EML4: variants seen among roughly 807,000 people sequenced by gnomAD.
The protein encoded by EML4 is EMAP like 4.
EML4 carries 72 observed loss-of-function variants against 129.0 expected under a neutral mutation model. The ratio of observed to expected loss-of-function variants is 0.56; its 90% CI spans 0.46 to 0.68. EML4 has a LOEUF of 0.68. Among genes scored for constraint, EML4 ranks in the 30% least tolerant of loss-of-function variants. EML4 has a pLI of 0.00. For missense variants in EML4, 1,363 were observed against 1,190.6 expected, an observed-to-expected ratio of 1.14 and a Z score of -2.13; for synonymous variants, 532 against 405.0, an observed-to-expected ratio of 1.31 and a Z score of -3.77.
In EML4 at chr2:42,264,998, CT is replaced by C. The variant is rs750473076; in HGVS notation, c.667+268del. 8.6e-5 allele frequency: 130 copies of C among 1,516,720 alleles called. 2 individuals are homozygous for C. The South Asian group carries it at 1.6e-3, about 18-fold the overall frequency. The allele number at this position is 1,516,720 out of a possible 1,614,324, so 94.0% of individuals were successfully genotyped here. A position where few individuals can be genotyped will look rare whatever the true frequency, so the allele number is the denominator to read the frequency against. On this transcript the variant is annotated intron_variant, in intron 6 of 22. Coordinates refer to ENST00000318522, the MANE Select transcript of EML4 (RefSeq NM_019063.5). ...GGTTGCCTTCTAAGTGAATTTTTTC[CT>C]GGATCTCTTATTTGGCTTTTTATTA...
At chr2:42,250,281 G>A (rs1357038637) in intron 2 of EML4, among the ~76,000 whole-genome samples, 1 of 152,156 alleles carries the variant, frequency 6.6e-6, no homozygotes, top group African/African-American at 2.4e-5. Flanking sequence ...TTCTCCAAAA[G>A]AAACATTGCT....
chr2:42,282,380 C>CT (rs1267305241), intron 7 of EML4, among the ~76,000 whole-genome samples: 1 of 64,468 alleles, frequency 1.6e-5, no homozygotes, highest in Non-Finnish European at 2.9e-5. Context: ...ATGAGTTTTC[C>CT]TTTTTTTTGG....
At chr2:42,176,241 T>A (rs370253856) in intron 1 of EML4, among the ~76,000 whole-genome samples, 1 of 152,250 alleles carries the variant, frequency 6.6e-6, no homozygotes. Context: ...TTGTCAATTC[T>A]TGTCACCTTT....
chr2:42,279,509 G>A (rs949653548), intron 6 of EML4, among the ~76,000 whole-genome samples: 8 of 151,440 alleles, frequency 5.3e-5, no homozygotes, highest in Non-Finnish European at 4.4e-5. Flanking sequence ...CCAGGCTGGA[G>A]TGCAGTGGCG....
chr2:42,240,063 T>C (rs1262062844), intron 1 of EML4, among the ~76,000 whole-genome samples: 3 of 152,190 alleles, frequency 2.0e-5, no homozygotes, highest in Non-Finnish European at 4.4e-5. Flanking sequence ...TACTTATTTA[T>C]AAAATGATGA....
intron 6 of EML4, among the ~76,000 whole-genome samples, chr2:42,280,485 T>C (rs1666943602): frequency 6.6e-6 from 1 of 152,262 alleles, no homozygotes; most frequent in East Asian, 1.9e-4. Context: ...TTGTCTGTTA[T>C]ACTGAATATA....
At chr2:42,297,883 G>A (rs1037272278) in intron 13 of EML4, among the ~76,000 whole-genome samples, 17 of 152,118 alleles carry the variant, frequency 1.1e-4, no homozygotes, top group Admixed American at 4.6e-4. Context: ...TCTTAAAAGT[G>A]CTTTTATATA....
At chr2:42,187,417 G>C (rs2374393) in intron 1 of EML4, among the ~76,000 whole-genome samples, 60,274 of 151,898 alleles carry the variant, frequency 0.4, 12,548 homozygotes, top group East Asian at 0.57. Flanking sequence ...TGCTTTTTAC[G>C]TAGCATATTG....
intron 1 of EML4, among the ~76,000 whole-genome samples, chr2:42,223,390 T>C (rs1188095369): frequency 6.6e-6 from 1 of 152,148 alleles, no homozygotes; most frequent in African/African-American, 2.4e-5. Context: ...TCAGTAAAAA[T>C]TATTTTTATT....
intron 1 of EML4, among the ~76,000 whole-genome samples, chr2:42,190,709 G>A (rs1316685753): frequency 6.6e-6 from 1 of 152,132 alleles, no homozygotes; most frequent in Non-Finnish European, 1.5e-5. Context: ...TATCTTTATA[G>A]TCTTGCATAG....
intron 4 of EML4, chr2:42,261,514 A>C (rs1244823026): frequency 3.0e-6 from 1 of 328,690 alleles, no homozygotes; most frequent in African/African-American, 2.3e-5. Flanking sequence ...AAAAAAAAAA[A>C]ACTAAGTTAT....
At chr2:42,210,427 T>C (rs1672824797) in intron 1 of EML4, among the ~76,000 whole-genome samples, 1 of 152,206 alleles carries the variant, frequency 6.6e-6, no homozygotes, top group East Asian at 1.9e-4. Flanking sequence ...ATGACATCAT[T>C]GATGTTGTTG....
chr2:42,323,113 C>G (rs755810103), intron 19 of EML4, among the ~76,000 whole-genome samples: 45 of 152,280 alleles, frequency 3.0e-4, no homozygotes, highest in Non-Finnish European at 5.6e-4. Flanking sequence ...AAGCTTTGCA[C>G]AAAGATGCAG....
intron 3 of EML4, among the ~76,000 whole-genome samples, chr2:42,260,552 A>G (rs956312828): frequency 1.3e-5 from 2 of 152,230 alleles, no homozygotes; most frequent in African/African-American, 4.8e-5. Context: ...GTCTTTCTAG[A>G]ACATTAAACT....
At chr2:42,173,099 T>C (rs1366483059) in intron 1 of EML4, among the ~76,000 whole-genome samples, 1 of 152,222 alleles carries the variant, frequency 6.6e-6, no homozygotes, top group Non-Finnish European at 1.5e-5. Context: ...AGGTTGTAAA[T>C]GTGAACAAGT....
At chr2:42,257,836 CAAAAAA>C (rs35916468) in intron 3 of EML4, among the ~76,000 whole-genome samples, 1 of 110,712 alleles carries the variant, frequency 9.0e-6, no homozygotes, top group Non-Finnish European at 1.8e-5. Context: ...GACTCCGTCT[CAAAAAA>C]AAAAAAAAAA....
chr2:42,246,788 C>G (rs752678887), intron 2 of EML4, among the ~76,000 whole-genome samples: 2 of 152,036 alleles, frequency 1.3e-5, no homozygotes, highest in Non-Finnish European at 2.9e-5. Context: ...CAGCATAGCA[C>G]AAAAAGTGAT....
At chr2:42,257,132 G>GT (rs1012958863) in intron 3 of EML4, among the ~76,000 whole-genome samples, 2 of 152,126 alleles carry the variant, frequency 1.3e-5, no homozygotes, top group Non-Finnish European at 2.9e-5. Context: ...ATGTGTGTGT[G>GT]TGTTAGGGGA....
At chr2:42,280,579 A>T (rs1333958516) in intron 6 of EML4, among the ~76,000 whole-genome samples, 1 of 152,252 alleles carries the variant, frequency 6.6e-6, no homozygotes, top group Non-Finnish European at 1.5e-5. Context: ...TCTAGAGATG[A>T]TTCAAAATAT....
Sources: allele counts gnomAD v4.1 joint callset (sites outside exome capture counted in the v4.1 genomes callset), GRCh38; gene constraint gnomAD v4.1.1; transcripts MANE v1.5; gene names NCBI Gene and HGNC (gene_info 2026-07-23, HGNC 2026-07-21).